SNX29: variants seen among roughly 807,000 people sequenced by gnomAD.
SNX29 encodes sorting nexin 29.
In SNX29, 78 loss-of-function variants were observed where a neutral mutation model predicts 102.1. That is an observed-to-expected ratio of 0.76 (90% CI 0.64 to 0.92). SNX29 has a LOEUF of 0.92. Among genes scored for constraint, SNX29 ranks in the 40% least tolerant of loss-of-function variants. SNX29 has a pLI of 0.00. For synonymous variants in SNX29, 580 were observed against 414.5 expected (o/e 1.40, Z -4.85); for missense variants, 1,280 against 1,061.7 (o/e 1.21, Z -2.86).
chr16:12,563,048 C>T (rs1349612812), intron 20 of SNX29, among the ~76,000 whole-genome samples: 8 of 152,206 alleles, frequency 5.3e-5, no homozygotes, highest in African/African-American at 9.6e-5. Flanking sequence ...GCCAAGGTCA[C>T]CTCGAAATGT....
chr16:12,223,624 A>G (rs555922498), intron 14 of SNX29, among the ~76,000 whole-genome samples: 28 of 152,344 alleles, frequency 1.8e-4, no homozygotes, highest in Non-Finnish European at 3.4e-4. Flanking sequence ...GGATGGCGCC[A>G]TTGCACTCCA....
At chr16:12,535,193 C>G (rs921058871) in intron 20 of SNX29, among the ~76,000 whole-genome samples, 2 of 152,194 alleles carry the variant, frequency 1.3e-5, no homozygotes, top group African/African-American at 4.8e-5. Context: ...GGCTGGAGTG[C>G]AGTGGTGTGA....
At chr16:12,482,074 C>T (rs1597550623) in intron 19 of SNX29, among the ~76,000 whole-genome samples, 2 of 152,292 alleles carry the variant, frequency 1.3e-5, no homozygotes, top group African/African-American at 2.4e-5. Flanking sequence ...TAACTCAGGA[C>T]ACCTGCTTTA....
At chr16:12,546,123 C>T (rs1195961703) in intron 20 of SNX29, among the ~76,000 whole-genome samples, 1 of 152,196 alleles carries the variant, frequency 6.6e-6, no homozygotes, top group East Asian at 1.9e-4. Context: ...GTATTCTCCC[C>T]ATCCACAAAA....
intron 20 of SNX29, among the ~76,000 whole-genome samples, chr16:12,547,112 A>G (rs1188628181): frequency 6.6e-6 from 1 of 152,194 alleles, no homozygotes; most frequent in Admixed American, 6.5e-5. Context: ...GTGAAAAGAC[A>G]GGAAATGACA....
intron 15 of SNX29, among the ~76,000 whole-genome samples, chr16:12,278,678 T>TA (rs1368790915): frequency 6.6e-6 from 1 of 152,054 alleles, no homozygotes; most frequent in East Asian, 1.9e-4. Flanking sequence ...TACTGTGATA[T>TA]AAAAAAATCC....
intron 15 of SNX29, among the ~76,000 whole-genome samples, chr16:12,317,999 C>T (rs1297391105): frequency 1.3e-5 from 2 of 152,188 alleles, no homozygotes; most frequent in Non-Finnish European, 2.9e-5. Context: ...TTGGCTGAGG[C>T]GGTGGTTGTC....
chr16:12,554,688 C>T (rs1417235330), intron 20 of SNX29, among the ~76,000 whole-genome samples: 1 of 152,214 alleles, frequency 6.6e-6, no homozygotes, highest in Non-Finnish European at 1.5e-5. Flanking sequence ...CAATTCTCAG[C>T]ATCCCTGCCC....
chr16:12,223,262 A>G (rs552335561), intron 14 of SNX29, among the ~76,000 whole-genome samples: 1 of 152,176 alleles, frequency 6.6e-6, no homozygotes. Flanking sequence ...ATAGTGGCTC[A>G]CACCTGTAAT....
chr16:12,573,439 T>C lies in SNX29; in HGVS notation c.*4810T>C, dbSNP rs957478453. The C allele has an allele frequency of 3.1e-5, 7 of 223,662 alleles. No homozygotes were observed. Among genetic ancestry groups the C allele is most frequent in the African/African-American group, 6.7e-5 (3 of 44,824 alleles). The allele number at this position is 223,662 out of a possible 1,614,324, so 13.9% of individuals were successfully genotyped here. On this transcript the variant is annotated 3_prime_UTR_variant, in exon 21 of 21. Transcript: ENST00000566228. ...AAGAAATCTGGCTTCCTTAATAAGATAGTTGAGCCTATGACATTAAGGAGC... is the reference window on the plus strand; with the variant it reads ...AAGAAATCTGGCTTCCTTAATAAGACAGTTGAGCCTATGACATTAAGGAGC...
intron 14 of SNX29, among the ~76,000 whole-genome samples, chr16:12,227,368 C>T (rs1327172295): frequency 1.3e-5 from 2 of 152,148 alleles, no homozygotes; most frequent in Non-Finnish European, 2.9e-5. Flanking sequence ...GGAGTGGCTC[C>T]GCGGAAGATG....
intron 14 of SNX29, among the ~76,000 whole-genome samples, chr16:12,259,822 G>A (rs1042969415): frequency 1.3e-5 from 2 of 149,388 alleles, no homozygotes; most frequent in Non-Finnish European, 3.0e-5. Flanking sequence ...CTCCCCATGT[G>A]ACTTTGATGA....
intron 16 of SNX29, among the ~76,000 whole-genome samples, chr16:12,359,460 T>A (rs1483666234): frequency 6.6e-6 from 1 of 152,242 alleles, no homozygotes. Flanking sequence ...ACAGCCTTTG[T>A]CCATTTTTCT....
intron 20 of SNX29, among the ~76,000 whole-genome samples, chr16:12,550,126 A>T (rs982090757): frequency 6.6e-6 from 1 of 152,262 alleles, no homozygotes; most frequent in African/African-American, 2.4e-5. Context: ...GTACACTCAC[A>T]TGTAAAGGGA....
chr16:12,502,573 G>A (rs2089178753), intron 19 of SNX29, among the ~76,000 whole-genome samples: 1 of 152,124 alleles, frequency 6.6e-6, no homozygotes, highest in Non-Finnish European at 1.5e-5. Flanking sequence ...TTACAGATAG[G>A]GAAACTGAGG....
At chr16:12,109,986 C>T (rs1463506625) in intron 11 of SNX29, among the ~76,000 whole-genome samples, 1 of 152,180 alleles carries the variant, frequency 6.6e-6, no homozygotes, top group East Asian at 1.9e-4. Context: ...GCCTTGGCCT[C>T]TCAGAGTGCT....
At chr16:12,512,683 C>G (rs1382052282) in intron 19 of SNX29, among the ~76,000 whole-genome samples, 1 of 151,968 alleles carries the variant, frequency 6.6e-6, no homozygotes, top group Non-Finnish European at 1.5e-5. Flanking sequence ...CTGATGGAGG[C>G]TGGAGTACGT....
At chr16:12,209,683 G>A (rs2077132826) in intron 14 of SNX29, among the ~76,000 whole-genome samples, 1 of 152,200 alleles carries the variant, frequency 6.6e-6, no homozygotes, top group South Asian at 2.1e-4. Flanking sequence ...GACCACTTAG[G>A]AGACGTGAGA....
intron 11 of SNX29, among the ~76,000 whole-genome samples, chr16:12,092,512 A>G (rs1282063065): frequency 6.6e-6 from 1 of 152,168 alleles, no homozygotes; most frequent in African/African-American, 2.4e-5. Context: ...CTCTTGTGTC[A>G]GGGAGATGCA....
Sources: gnomAD v4.1 joint callset for allele counts (sites outside exome capture counted in the v4.1 genomes callset) on GRCh38, gnomAD v4.1.1 for gene constraint, MANE v1.5 for transcripts, NCBI Gene and HGNC (gene_info 2026-07-23, HGNC 2026-07-21) for gene names.